The following DDX10 variants were observed in gnomAD, a reference collection of about 807,000 sequenced individuals.
DDX10 encodes the protein probable ATP-dependent RNA helicase DDX10.
Under a neutral mutation model 104.3 loss-of-function variants are expected in DDX10, and 74 were observed. The observed-to-expected ratio is 0.71, with a 90% CI of 0.59 to 0.86. The LOEUF (loss-of-function observed/expected upper bound fraction) is 0.86, where lower values mean the gene tolerates loss of function less well. Ranked by LOEUF, DDX10 falls within the 40% of genes least tolerant of loss-of-function variation. The pLI is 0.00. For missense variants in DDX10, 952 were observed against 1,040.0 expected, an observed-to-expected ratio of 0.92 and a Z score of 1.16; for synonymous variants, 351 against 353.4, an observed-to-expected ratio of 0.99 and a Z score of 0.08.
At chr11:108,760,257 T>C (rs2094349183) in intron 13 of DDX10, among the ~76,000 whole-genome samples, 1 of 152,038 alleles carries the variant, frequency 6.6e-6, no homozygotes, top group South Asian at 2.1e-4. Flanking sequence ...TAACAAAATA[T>C]GTATCTCTAC....
At chr11:108,752,953 C>G (rs903634365) in intron 13 of DDX10, among the ~76,000 whole-genome samples, 6 of 152,030 alleles carry the variant, frequency 3.9e-5, no homozygotes, top group Non-Finnish European at 1.5e-5. Context: ...CCTTTGGAGC[C>G]TGACATGTAA....
chr11:108,837,479 A>G (rs976706985), intron 13 of DDX10, among the ~76,000 whole-genome samples: 7 of 151,938 alleles, frequency 4.6e-5, no homozygotes, highest in Non-Finnish European at 1.0e-4. Context: ...TCTGCTCACC[A>G]TTCACTTAGC....
At chr11:108,811,372 A>G (rs1862177523) in intron 13 of DDX10, among the ~76,000 whole-genome samples, 1 of 152,184 alleles carries the variant, frequency 6.6e-6, no homozygotes, top group Non-Finnish European at 1.5e-5. Context: ...TGAAACTTGA[A>G]CTAGACTTCT....
rs564820583 is a variant in DDX10 at position 108,781,377 on chromosome 11, A to C, written c.1966-57069A>C. 2.0e-5 allele frequency among the ~76,000 whole-genome samples: 3 copies of C among 152,142 alleles called. No individual in the cohort carries two copies. In the South Asian group the frequency reaches 6.2e-4, roughly 32 times the overall value. On this transcript the variant is annotated intron_variant, in intron 13 of 17. Transcript: ENST00000322536. ...AGCATGGCATTGAACATGTGAGTGC[A>C]TGTGTCTTTTTGGTATAATGATCTA...
intron 13 of DDX10, among the ~76,000 whole-genome samples, chr11:108,779,511 G>T (rs1228706095): frequency 6.8e-6 from 1 of 147,842 alleles, no homozygotes; most frequent in Non-Finnish European, 1.5e-5. Context: ...ACAGGGTGGG[G>T]AACATCACAC....
Position 108,673,522 on chromosome 11 carries a change from T to C in DDX10, c.242T>C (p.Leu81Ser). 1 of 1,590,484 alleles carries C rather than the reference T, an allele frequency of 6.3e-7. No homozygotes were observed. Residue 81 changes from leucine (L) to serine (S), a missense_variant, in exon 2 of 18, where the codon TTG (leucine) becomes TCG (serine). Physicochemically the swap from Leu to Ser is moderately radical, Grantham distance 145. Around this residue, in one of 3 missense-constraint regions of DDX10, gnomAD observed 412 missense variants for 479.2 expected, o/e 0.86. Coordinates refer to ENST00000322536, the MANE Select transcript of DDX10 (RefSeq NM_004398.4). ...FSDFPLSKKT[L>S]KGLQEAQYRL... ...GATTTTCCCTTGTCCAAAAAAACAT[T>C]GAAAGGTAAGTATATGGTGATCTTG... is the stretch of plus-strand genomic sequence containing the variant.
intron 9 of DDX10, among the ~76,000 whole-genome samples, chr11:108,699,678 G>A (rs111418970): frequency 2.0e-5 from 3 of 152,182 alleles, no homozygotes; most frequent in African/African-American, 7.2e-5. Context: ...TGTCAGTTCT[G>A]TTCCTTGTAG....
intron 13 of DDX10, among the ~76,000 whole-genome samples, chr11:108,777,588 G>A (rs2094371773): frequency 6.6e-6 from 1 of 152,180 alleles, no homozygotes; most frequent in East Asian, 1.9e-4. Flanking sequence ...CTCCTGAAGT[G>A]CTGGGATTAC....
Position 108,801,619 on chromosome 11 carries a change from C to T in DDX10, c.1966-36827C>T, listed in dbSNP as rs139803081. ...CACCACTTTATAATGCATCTATCCC[C>T]AGAAAGCAATGACCCCTTCCCCTGT... On this transcript the variant is annotated intron_variant, in intron 13 of 17. Coordinates refer to ENST00000322536, the MANE Select transcript of DDX10 (RefSeq NM_004398.4). Among the ~76,000 whole-genome samples the T allele has an allele frequency of 6.2e-3, 949 of 152,298 alleles. 7 individuals are homozygous for T. Among genetic ancestry groups the T allele is most frequent in the Non-Finnish European group, 0.011 (757 of 68,036 alleles).
intron 6 of DDX10, among the ~76,000 whole-genome samples, chr11:108,687,673 GAGAAC>G (rs2094246309): frequency 1.3e-5 from 2 of 152,032 alleles, no homozygotes; most frequent in Admixed American, 1.3e-4. Flanking sequence ...GTATATTTTG[GAGAAC>G]AGTCCTTTAT....
chr11:108,917,524 C>A (rs1203595896), intron 16 of DDX10, among the ~76,000 whole-genome samples: 1 of 152,068 alleles, frequency 6.6e-6, no homozygotes, highest in East Asian at 1.9e-4. Context: ...GCCTCATCCT[C>A]CTGAGTAGCT....
chr11:108,760,662 A>G (rs959008736), intron 13 of DDX10, among the ~76,000 whole-genome samples: 1 of 151,448 alleles, frequency 6.6e-6, no homozygotes, highest in African/African-American at 2.4e-5. Flanking sequence ...TTATTCATGT[A>G]CAACATAACA....
intron 13 of DDX10, among the ~76,000 whole-genome samples, chr11:108,735,709 T>TAA (rs10646427): frequency 0.52 from 77,784 of 149,006 alleles, 20,917 homozygotes; most frequent in Non-Finnish European, 0.61. Flanking sequence ...TCAAGAACAT[T>TAA]AAAAAAAAAA....
chr11:108,806,226 G>A (rs1465621116), intron 13 of DDX10, among the ~76,000 whole-genome samples: 3 of 152,200 alleles, frequency 2.0e-5, no homozygotes, highest in African/African-American at 7.2e-5. Context: ...GCCTCCCAGA[G>A]TGCTGGGATT....
chr11:108,701,189 C>CT (rs1565251598), intron 9 of DDX10, among the ~76,000 whole-genome samples: 2 of 151,938 alleles, frequency 1.3e-5, no homozygotes, highest in Admixed American at 6.6e-5. Context: ...CAGAGATACC[C>CT]TTTTTCTTGG....
At chr11:108,853,451 G>A (rs568268292) in intron 16 of DDX10, among the ~76,000 whole-genome samples, 6 of 151,970 alleles carry the variant, frequency 3.9e-5, no homozygotes, top group African/African-American at 1.4e-4. Flanking sequence ...CCCTGTTACT[G>A]TATTTCCTTT....
intron 17 of DDX10, among the ~76,000 whole-genome samples, chr11:108,939,499 T>A (rs1864077998): frequency 6.6e-6 from 1 of 152,240 alleles, no homozygotes; most frequent in African/African-American, 2.4e-5. Context: ...ATGGACTTTT[T>A]ATTTTGTTTT....
At chr11:108,841,113 A>G (rs1190981941) in intron 14 of DDX10, among the ~76,000 whole-genome samples, 1 of 152,164 alleles carries the variant, frequency 6.6e-6, no homozygotes, top group Non-Finnish European at 1.5e-5. Context: ...TCCTGTTCTC[A>G]TTGGGTATGG....
intron 17 of DDX10, among the ~76,000 whole-genome samples, chr11:108,937,879 A>G (rs1365375559): frequency 6.6e-6 from 1 of 152,148 alleles, no homozygotes; most frequent in Non-Finnish European, 1.5e-5. Context: ...GCACTGTCTT[A>G]ATGCTGAGCA....
Sources: gnomAD v4.1 joint callset for allele counts (sites outside exome capture counted in the v4.1 genomes callset) on GRCh38, gnomAD v4.1.1 for gene constraint, gnomAD v4.1.1 regional missense constraint, MANE v1.5 for transcripts, NCBI Gene and HGNC (gene_info 2026-07-23, HGNC 2026-07-21) for gene names.